The following PTPRG variants were observed in gnomAD, a reference collection of about 807,000 sequenced individuals.
PTPRG encodes the protein protein tyrosine phosphatase receptor type G.
In PTPRG, 102 loss-of-function variants were observed where a neutral mutation model predicts 165.3. The observed-to-expected ratio is 0.62, with a 90% CI of 0.53 to 0.73. The LOEUF is 0.73. Ranked by LOEUF, PTPRG falls within the 30% of genes least tolerant of loss-of-function variation. The pLI is 0.00. For missense variants in PTPRG, 1,866 were observed against 1,861.4 expected (o/e 1.00, Z -0.05); for synonymous variants, 675 against 669.5 (o/e 1.01, Z -0.13).
chr3:61,681,464 G>GTA (rs1424646972), intron 1 of PTPRG, among the ~76,000 whole-genome samples: 5 of 152,166 alleles, frequency 3.3e-5, no homozygotes, highest in African/African-American at 1.2e-4. Context: ...ACTGGATCTC[G>GTA]TAATCTATTC....
chr3:62,130,428 T>A (rs9866210), intron 5 of PTPRG, among the ~76,000 whole-genome samples: 1 of 152,160 alleles, frequency 6.6e-6, no homozygotes, highest in African/African-American at 2.4e-5. Flanking sequence ...GTGTACACTT[T>A]CCATAGAGGA....
chr3:61,766,600 T>C (rs1223705311), intron 2 of PTPRG, among the ~76,000 whole-genome samples: 1 of 146,348 alleles, frequency 6.8e-6, no homozygotes, highest in African/African-American at 2.5e-5. Flanking sequence ...TTAACACCAT[T>C]ATTAATGTTA....
At chr3:61,993,148 A>C (rs2040937841) in intron 3 of PTPRG, among the ~76,000 whole-genome samples, 1 of 149,510 alleles carries the variant, frequency 6.7e-6, no homozygotes. Flanking sequence ...TAGGTAACCT[A>C]TTTCTTTTTT....
At position 62,069,684 on chromosome 3, in the gene PTPRG, T is replaced by TCTCTCTCTCTCTCACATACA. The variant is rs542306888; in HGVS notation, c.520-8478_520-8477insTCTCTCTCTCTCACATACAC. 9.0e-5 allele frequency among the ~76,000 whole-genome samples: 13 copies of TCTCTCTCTCTCTCACATACA among 145,064 alleles called. No individual in the cohort carries two copies. In the East Asian group the frequency reaches 2.7e-3, roughly 30 times the overall value. ...CTCTCTCTCTCTCTCTCTCTCTCTC[T>TCTCTCTCTCTCTCACATACA]CACACACAGACACACGCACACACAC... On this transcript the variant is annotated intron_variant, in intron 4 of 29. Transcript: ENST00000474889.
chr3:62,237,132 G>T lies in PTPRG; in HGVS notation c.2375+5821G>T, dbSNP rs1046290754. ...GGTTCTTGTCAGAAGGGCAGAAAAA[G>T]ATATAAGAAAATTGTTAGCTCATAT... On this transcript the variant is annotated intron_variant, in intron 14 of 29. Coordinates refer to ENST00000474889, the MANE Select transcript of PTPRG (RefSeq NM_002841.4). This position sits in a 1 kb window ranked among gnomAD's most constrained non-coding sequence, Gnocchi z 4.5. 1.3e-5 allele frequency among the ~76,000 whole-genome samples: 2 copies of T among 152,120 alleles called. No individual in the cohort carries two copies. Among genetic ancestry groups the T allele is most frequent in the African/African-American group, 4.8e-5 (2 of 41,408 alleles).
At chr3:62,024,833 G>A (rs547895829) in intron 4 of PTPRG, among the ~76,000 whole-genome samples, 2 of 152,260 alleles carry the variant, frequency 1.3e-5, no homozygotes, top group African/African-American at 4.8e-5. Context: ...TGGGTTTAGG[G>A]ACATAAATAG....
At chr3:62,018,481 G>A (rs2041605010) in intron 4 of PTPRG, among the ~76,000 whole-genome samples, 1 of 152,068 alleles carries the variant, frequency 6.6e-6, no homozygotes, top group Non-Finnish European at 1.5e-5. Flanking sequence ...AGGCTTCAGG[G>A]GTGTCACCAC....
chr3:61,778,221 C>T (rs1192029279), intron 2 of PTPRG, among the ~76,000 whole-genome samples: 1 of 152,100 alleles, frequency 6.6e-6, no homozygotes, highest in African/African-American at 2.4e-5. Flanking sequence ...TGAAAGTATA[C>T]TTTACAGGGT....
At chr3:61,766,564 CTT>C (rs769607121) in intron 2 of PTPRG, among the ~76,000 whole-genome samples, 2 of 151,734 alleles carry the variant, frequency 1.3e-5, no homozygotes, top group Non-Finnish European at 2.9e-5. Context: ...AGAAAGGAAA[CTT>C]TGTTCGTATC....
At chr3:61,920,906 GATGGTATCTT>G (rs1353754914) in intron 2 of PTPRG, among the ~76,000 whole-genome samples, 1 of 152,182 alleles carries the variant, frequency 6.6e-6, no homozygotes, top group Non-Finnish European at 1.5e-5. Flanking sequence ...ATTTTGAGTT[GATGGTATCTT>G]AGATTTGGTG....
At chr3:62,017,418 A>AT (rs11287319) in intron 4 of PTPRG, among the ~76,000 whole-genome samples, 2,429 of 136,882 alleles carry the variant, frequency 0.018, 70 homozygotes, top group African/African-American at 0.061. Flanking sequence ...TCAGAAAATG[A>AT]TTTTTTTTTT....
At chr3:61,598,346 C>T (rs780719292) in intron 1 of PTPRG, among the ~76,000 whole-genome samples, 14 of 152,144 alleles carry the variant, frequency 9.2e-5, no homozygotes, top group Admixed American at 2.0e-4. Flanking sequence ...TTGAGAAGAA[C>T]GGCTTTTCTT....
intron 1 of PTPRG, among the ~76,000 whole-genome samples, chr3:61,616,318 G>A (rs1701295360): frequency 6.6e-6 from 1 of 152,170 alleles, no homozygotes; most frequent in African/African-American, 2.4e-5. Context: ...GGCCCTTTTA[G>A]TGGACAAATC....
In PTPRG at chr3:62,222,884, A is replaced by G. The variant is rs1700680729; in HGVS notation, c.2288+3901A>G. ...CATTGGAAGAGGCAGATGAGTAAAT[A>G]GAATTGAGTATGGGGAGTATTTGGA... On this transcript the variant is annotated intron_variant, in intron 13 of 29. Coordinates refer to ENST00000474889, the MANE Select transcript of PTPRG (RefSeq NM_002841.4). This position sits in a 1 kb window ranked among gnomAD's most constrained non-coding sequence, Gnocchi z 4.5. Among the ~76,000 whole-genome samples, 1 of 152,106 alleles carries G rather than the reference A, an allele frequency of 6.6e-6. No individual in the cohort carries two copies. The highest frequency in any genetic ancestry group is 1.5e-5 in the Non-Finnish European group (1 of 68,028).
chr3:61,638,000 C>G (rs933156382), intron 1 of PTPRG, among the ~76,000 whole-genome samples: 2 of 152,124 alleles, frequency 1.3e-5, no homozygotes, highest in African/African-American at 4.8e-5. Flanking sequence ...GGAACTGTGA[C>G]TCACTTTTGG....
At position 62,217,208 on chromosome 3, in the gene PTPRG, G is replaced by A. The variant is rs79677386; in HGVS notation, c.2156-1643G>A. 0.038 allele frequency among the ~76,000 whole-genome samples: 5,812 copies of A among 152,270 alleles called. 167 individuals carry two copies. The highest frequency in any genetic ancestry group is 0.057 in the East Asian group (295 of 5,172). The stretch of plus-strand genomic sequence containing the variant: ...GGAGTTAGGAAAATGGGCAGGCACA[G>A]CTAGGAAGGCACTTTATAAATGGCA... On this transcript the variant is annotated intron_variant, in intron 12 of 29. Transcript: ENST00000474889. This position sits in a 1 kb window ranked among gnomAD's most constrained non-coding sequence, Gnocchi z 4.3.
intron 1 of PTPRG, among the ~76,000 whole-genome samples, chr3:61,674,195 AG>A (rs1703137431): frequency 6.7e-6 from 1 of 148,816 alleles, no homozygotes; most frequent in Non-Finnish European, 1.5e-5. Flanking sequence ...AAAAAAAAAA[AG>A]AAACATGGCT....
At chr3:62,242,556 C>T (rs903578430) in intron 14 of PTPRG, among the ~76,000 whole-genome samples, 3 of 152,150 alleles carry the variant, frequency 2.0e-5, no homozygotes, top group Non-Finnish European at 4.4e-5. Flanking sequence ...TTTCTGATTG[C>T]GTGTGGTTAT....
At chr3:61,630,079 A>G (rs1287925928) in intron 1 of PTPRG, among the ~76,000 whole-genome samples, 2 of 152,236 alleles carry the variant, frequency 1.3e-5, no homozygotes, top group African/African-American at 4.8e-5. Flanking sequence ...TGAGACATGC[A>G]TATAAGTGGT....
Sources: allele counts gnomAD v4.1 joint callset (sites outside exome capture counted in the v4.1 genomes callset), GRCh38; gene constraint gnomAD v4.1.1; non-coding constraint Gnocchi (gnomAD v3.1); transcripts MANE v1.5; gene names NCBI Gene and HGNC (gene_info 2026-07-23, HGNC 2026-07-21).